The following CTNNA3 variants were observed in gnomAD, a reference collection of about 807,000 sequenced individuals.
CTNNA3 encodes catenin alpha-3.
CTNNA3 carries 76 observed loss-of-function variants against 95.7 expected under a neutral mutation model. That is an observed-to-expected ratio of 0.79 (90% CI 0.66 to 0.96). The LOEUF (loss-of-function observed/expected upper bound fraction) is 0.96, where lower values mean the gene tolerates loss of function less well. Ranked by LOEUF, CTNNA3 falls within the 40% of genes least tolerant of loss-of-function variation. CTNNA3 has a pLI of 0.00. For synonymous variants in CTNNA3, 431 were observed against 374.4 expected (o/e 1.15, Z -1.74); for missense variants, 1,191 against 1,089.8 (o/e 1.09, Z -1.31).
At chr10:67,631,089 G>A (rs1197231131) in intron 2 of CTNNA3, among the ~76,000 whole-genome samples, 1 of 152,152 alleles carries the variant, frequency 6.6e-6, no homozygotes, top group African/African-American at 2.4e-5. Context: ...GCCAAACTTG[G>A]ATCTTGAAAG....
intron 12 of CTNNA3, among the ~76,000 whole-genome samples, chr10:66,340,144 C>A (rs548722740): frequency 7.2e-5 from 11 of 151,790 alleles, no homozygotes; most frequent in Admixed American, 6.6e-5. Flanking sequence ...TCTTGCCTGT[C>A]ACCATATACT....
At chr10:66,908,455 T>C (rs1255869585) in intron 7 of CTNNA3, among the ~76,000 whole-genome samples, 2 of 152,176 alleles carry the variant, frequency 1.3e-5, no homozygotes. Flanking sequence ...CTTTACCGAA[T>C]GTTTAGAATG....
rs927605119 is a variant in CTNNA3, at chr10:67,489,805, T to TATATATATATATAC, written c.579+32036_579+32037insGTATATATATATAT. Among the ~76,000 whole-genome samples the TATATATATATATAC allele has an allele frequency of 8.3e-3, 1,234 of 148,880 alleles. 21 individuals carry two copies. Among genetic ancestry groups the TATATATATATATAC allele is most frequent in the African/African-American group, 0.029 (1,167 of 40,036 alleles). ...ACATGATTTTATATATATATATATA[T>TATATATATATATAC]ACACACATTAGGTGTGTGTATATAC... is the stretch of plus-strand genomic sequence containing the variant. On this transcript the variant is annotated intron_variant, in intron 5 of 17. Transcript: ENST00000433211.
At position 67,439,504 on chromosome 10, in the gene CTNNA3, C is replaced by T. The variant is rs117851976; in HGVS notation, c.579+82338G>A. ...GCTACACACTTTTAAACAACCAGAC[C>T]TCATGAGAACTCACTCACTATCGTG... On this transcript the variant is annotated intron_variant, in intron 5 of 17. Transcript: ENST00000433211. Among the ~76,000 whole-genome samples, 410 of 152,204 alleles carry T rather than the reference C, an allele frequency of 2.7e-3. 4 individuals are homozygous for T. The highest frequency in any genetic ancestry group is 1.9e-3 in the East Asian group (10 of 5,168).
At chr10:66,235,009 GAGA>G in intron 13 of CTNNA3, among the ~76,000 whole-genome samples, 1 of 152,314 alleles carries the variant, frequency 6.6e-6, no homozygotes, top group South Asian at 2.1e-4. Flanking sequence ...CTAACAGCCT[GAGA>G]AGAACTGAAT....
chr10:66,370,282 C>T (rs2132460289), intron 12 of CTNNA3, among the ~76,000 whole-genome samples: 1 of 152,204 alleles, frequency 6.6e-6, no homozygotes, highest in East Asian at 1.9e-4. Context: ...GTAAAATTAG[C>T]TGTCTTTGCA....
At chr10:66,680,195 G>T (rs924849962) in intron 9 of CTNNA3, among the ~76,000 whole-genome samples, 19 of 150,740 alleles carry the variant, frequency 1.3e-4, no homozygotes, top group Non-Finnish European at 2.2e-4. Flanking sequence ...TTGTTTTTTT[G>T]TTTGTTTGTT....
intron 7 of CTNNA3, among the ~76,000 whole-genome samples, chr10:67,147,291 T>C (rs933043816): frequency 6.6e-6 from 1 of 152,170 alleles, no homozygotes; most frequent in African/African-American, 2.4e-5. Flanking sequence ...TGGTGAACTT[T>C]TACAAGTTAT....
At chr10:67,358,353 C>T (rs944281026) in intron 5 of CTNNA3, among the ~76,000 whole-genome samples, 4 of 152,144 alleles carry the variant, frequency 2.6e-5, no homozygotes, top group African/African-American at 9.7e-5. Flanking sequence ...AGATGGCCAA[C>T]TAGACACAGC....
rs191163798 is a variant in CTNNA3 at position 65,943,648 on chromosome 10, C to T, written c.2400+22964G>A. 3.9e-3 allele frequency among the ~76,000 whole-genome samples: 592 copies of T among 152,272 alleles called. 2 individuals are homozygous for T. Among genetic ancestry groups the T allele is most frequent in the Non-Finnish European group, 6.3e-3 (431 of 68,024 alleles). On this transcript the variant is annotated intron_variant, in intron 17 of 17. Transcript: ENST00000433211. ...ATGGGAACCCTGAAGGGTTCAGCCA[C>T]CACAGGTCACTACTTTATGATTCAA...
intron 12 of CTNNA3, among the ~76,000 whole-genome samples, chr10:66,299,635 A>G (rs905394889): frequency 1.3e-5 from 2 of 152,210 alleles, no homozygotes; most frequent in Admixed American, 6.5e-5. Context: ...AAGTAAATCT[A>G]TACTATCCAT....
At chr10:67,690,851 C>T (rs1317703572) in intron 1 of CTNNA3, among the ~76,000 whole-genome samples, 1 of 148,576 alleles carries the variant, frequency 6.7e-6, no homozygotes, top group African/African-American at 2.5e-5. Flanking sequence ...GAAAGTCTTG[C>T]TACAGCCTCT....
chr10:66,784,604 T>C (rs1389894957), intron 7 of CTNNA3, among the ~76,000 whole-genome samples: 1 of 152,182 alleles, frequency 6.6e-6, no homozygotes, highest in East Asian at 1.9e-4. Flanking sequence ...ATTTCCATTC[T>C]TCTTTATTTC....
chr10:66,726,704 A>G (rs1848791907), intron 9 of CTNNA3, among the ~76,000 whole-genome samples: 1 of 152,136 alleles, frequency 6.6e-6, no homozygotes, highest in African/African-American at 2.4e-5. Context: ...TGTTGCCAGG[A>G]AGAACTTTAA....
chr10:67,483,526 C>T (rs1018060085), intron 5 of CTNNA3, among the ~76,000 whole-genome samples: 1 of 151,174 alleles, frequency 6.6e-6, no homozygotes, highest in Non-Finnish European at 1.5e-5. Flanking sequence ...GACAAAAAAC[C>T]AAACACCGCA....
chr10:67,432,619 T>C (rs1482923620), intron 5 of CTNNA3, among the ~76,000 whole-genome samples: 2 of 152,068 alleles, frequency 1.3e-5, no homozygotes, highest in East Asian at 3.9e-4. Context: ...TCTCTGCCTT[T>C]TTCATATAAA....
chr10:66,543,299 C>A (rs1450467832), intron 10 of CTNNA3, among the ~76,000 whole-genome samples: 1 of 152,042 alleles, frequency 6.6e-6, no homozygotes, highest in Non-Finnish European at 1.5e-5. Flanking sequence ...ACCATCTTGG[C>A]CAGGCTGGTC....
At chr10:67,332,480 G>A (rs1328182202) in intron 5 of CTNNA3, among the ~76,000 whole-genome samples, 1 of 152,140 alleles carries the variant, frequency 6.6e-6, no homozygotes, top group East Asian at 1.9e-4. Context: ...TCTGTAAGAT[G>A]TCTGACTCCT....
chr10:66,444,122 G>GA (rs2093398608), intron 11 of CTNNA3, among the ~76,000 whole-genome samples: 1 of 152,098 alleles, frequency 6.6e-6, no homozygotes, highest in Non-Finnish European at 1.5e-5. Flanking sequence ...GAAGTTTAGA[G>GA]AAAAAAGAAT....
Sources: allele counts gnomAD v4.1 joint callset (sites outside exome capture counted in the v4.1 genomes callset), GRCh38; gene constraint gnomAD v4.1.1; transcripts MANE v1.5; gene names NCBI Gene and HGNC (gene_info 2026-07-23, HGNC 2026-07-21).